The following ADAMTSL2 variants were observed in gnomAD, a reference collection of about 807,000 sequenced individuals.
ADAMTSL2 encodes ADAMTS like 2, also known as ADAMTS-like protein 2.
Under a neutral mutation model 117.0 loss-of-function variants are expected in ADAMTSL2, and 55 were observed. That is an observed-to-expected ratio of 0.47 (90% CI 0.38 to 0.59). The LOEUF (loss-of-function observed/expected upper bound fraction) is 0.59, where lower values mean the gene tolerates loss of function less well. ADAMTSL2 is among the 20% of genes least tolerant of loss of function. The pLI is 0.00. For missense variants in ADAMTSL2, 1,182 were observed against 1,354.5 expected (o/e 0.87, Z 2.00); for synonymous variants, 572 against 566.4 (o/e 1.01, Z -0.14).
chr9:133,570,555 A>G, intron 17 of ADAMTSL2, 48 bp downstream of exon 17: 2 of 1,565,004 alleles, frequency 1.3e-6, no homozygotes, highest in East Asian at 2.4e-5. Context: ...CCAGACCTGA[A>G]TGTCGATCCC....
At position 133,555,908 on chromosome 9, in the gene ADAMTSL2, GGGAACA is replaced by G; in HGVS notation, c.1631_1636del (p.Asn544_Arg545del). 1 of 1,612,414 alleles carries G rather than the reference GGGAACA, an allele frequency of 6.2e-7. No individual in the cohort carries two copies. Among genetic ancestry groups the G allele is most frequent in the Non-Finnish European group, 8.5e-7 (1 of 1,179,892 alleles). ...TAGCACCAGCCTGCTCACCTCGGCC[GGGAACA>G]GGACTCACAAGGCCAGGTAGGAGGC... On this transcript the variant is annotated inframe_deletion, in exon 11 of 19. Transcript: ENST00000651351.
intron 9 of ADAMTSL2, among the ~76,000 whole-genome samples, chr9:133,550,045 C>T (rs1830446936): frequency 6.6e-6 from 1 of 152,218 alleles, no homozygotes; most frequent in Non-Finnish European, 1.5e-5. Flanking sequence ...AGCAAGGGAC[C>T]CAAGCTCCCC....
intron 7 of ADAMTSL2, among the ~76,000 whole-genome samples, chr9:133,541,446 G>A (rs1830222081): frequency 6.6e-6 from 1 of 152,068 alleles, no homozygotes; most frequent in Admixed American, 6.6e-5. Context: ...GTGCCACCAA[G>A]CCTGGCTAAT....
At chr9:133,537,577 G>GATGGCATGAGGGC in intron 3 of ADAMTSL2, 30 bp downstream of exon 3, 1 of 1,335,960 alleles carries the variant, frequency 7.5e-7, no homozygotes, top group Non-Finnish European at 9.7e-7. Context: ...GCCCTGAGGG[G>GATGGCATGAGGGC]ATGGCATGAG....
intron 17 of ADAMTSL2, among the ~76,000 whole-genome samples, chr9:133,571,883 G>A (rs1050949751): frequency 6.6e-5 from 10 of 152,280 alleles, no homozygotes; most frequent in Non-Finnish European, 1.0e-4. Context: ...ATACCCAGGC[G>A]ACAAAATGGG....
intron 6 of ADAMTSL2, 45 bp from the exon 7 acceptor site, chr9:133,540,833 G>T: frequency 6.2e-7 from 1 of 1,613,142 alleles, no homozygotes; most frequent in Non-Finnish European, 8.5e-7. Context: ...CCGGGGCCTG[G>T]CCACAGCGCC....
At chr9:133,552,797 G>A (rs916160681) in intron 9 of ADAMTSL2, among the ~76,000 whole-genome samples, 3 of 152,164 alleles carry the variant, frequency 2.0e-5, no homozygotes, top group Admixed American at 2.0e-4. Flanking sequence ...TTAAATGCGG[G>A]ATGTGATGGG....
In ADAMTSL2 at chr9:133,534,935, C is replaced by T. The variant is rs1830015500; in HGVS notation, c.-151+18C>T. 4 of 1,379,076 alleles carry T rather than the reference C, an allele frequency of 2.9e-6. No homozygotes were observed. Among genetic ancestry groups the T allele is most frequent in the South Asian group, 3.2e-5 (2 of 62,050 alleles). The allele number at this position is 1,379,076 out of a possible 1,614,324, so 85.4% of individuals were successfully genotyped here. ...GAAGCCAGGTAGGCCACCTCGTCCC[C>T]GTCCCCCTCACGTTGCAGCGTCCAC... On this transcript the variant is annotated intron_variant, in intron 1 of 18. Transcript: ENST00000651351.
At chr9:133,538,772 C>T (rs1830117360) in intron 4 of ADAMTSL2, among the ~76,000 whole-genome samples, 1 of 152,190 alleles carries the variant, frequency 6.6e-6, no homozygotes. Context: ...AGAGACCCAG[C>T]AGTTGCCAGG....
In ADAMTSL2 at chr9:133,537,386, G is replaced by C; in HGVS notation, c.91-19G>C. 1 of 1,334,152 alleles carries C rather than the reference G, an allele frequency of 7.5e-7. No homozygotes were observed. The highest frequency in any genetic ancestry group is 9.7e-7 in the Non-Finnish European group (1 of 1,033,618). 82.6% of individuals were successfully genotyped at this position (1,334,152 alleles called of 1,614,324 possible). ...TGGGCACTTGAGCCCTCTACCATCT[G>C]GGGGTCCCTCTCACCCAGGACAACA... On this transcript the variant is annotated intron_variant, in intron 2 of 18. Transcript: ENST00000651351.
intron 7 of ADAMTSL2, among the ~76,000 whole-genome samples, chr9:133,543,357 G>A (rs528795423): frequency 4.6e-5 from 7 of 152,322 alleles, no homozygotes; most frequent in Admixed American, 2.0e-4. Context: ...CTTCTATCTT[G>A]AAACCCAAAG....
At chr9:133,534,425 T>G, upstream of ADAMTSL2, 1 of 279,438 alleles carries the variant, frequency 3.6e-6, no homozygotes, top group East Asian at 6.3e-5. Context: ...GCCTCCCCGG[T>G]AACCTCAGGC....
chr9:133,568,517 G>A (rs1035323485), intron 14 of ADAMTSL2, 31 bp downstream of exon 14: 6 of 1,578,540 alleles, frequency 3.8e-6, no homozygotes, highest in African/African-American at 2.7e-5. Context: ...GCCGGGGGTC[G>A]GGAAGAGCTG....
At chr9:133,536,490 G>A in intron 1 of ADAMTSL2, 73 bp from the exon 2 acceptor site, 2 of 1,485,992 alleles carry the variant, frequency 1.3e-6, no homozygotes, top group Middle Eastern at 1.8e-4. Flanking sequence ...CCTGAAGCAG[G>A]CATTACTAAT....
intron 9 of ADAMTSL2, among the ~76,000 whole-genome samples, chr9:133,552,433 A>G (rs995916012): frequency 6.6e-6 from 1 of 152,196 alleles, no homozygotes; most frequent in Non-Finnish European, 1.5e-5. Context: ...AGTGCAGAGG[A>G]CAAAGGTCAA....
In ADAMTSL2 at chr9:133,558,634, G is replaced by A. The variant is rs932110848; in HGVS notation, c.1650-2564G>A. On this transcript the variant is annotated intron_variant, in intron 11 of 18. Transcript: ENST00000651351. This position sits in a 1 kb window ranked among gnomAD's most constrained non-coding sequence, Gnocchi z 4.3. ...GGAGCCCGTGAGCCTGTGTCTGGCC[G>A]GGCATCTGGGCGAAGGACCCTGAGG... is the stretch of plus-strand genomic sequence containing the variant. Among the ~76,000 whole-genome samples the A allele has an allele frequency of 1.4e-4, 21 of 152,310 alleles. No homozygotes were observed. Among genetic ancestry groups the A allele is most frequent in the African/African-American group, 4.8e-4 (20 of 41,578 alleles).
At chr9:133,545,403 G>T (rs10119879) in intron 8 of ADAMTSL2, among the ~76,000 whole-genome samples, 1 of 152,018 alleles carries the variant, frequency 6.6e-6, no homozygotes, top group Non-Finnish European at 1.5e-5. Context: ...ATCTCCTAAG[G>T]GGGTGCTGGA....
Position 133,568,341 on chromosome 9 carries a change from G to C in ADAMTSL2, c.1943G>C (p.Arg648Pro). Reference protein sequence around the residue: ...CGEGYQFRVVRCWKMLSPGFD... With the variant: ...CGEGYQFRVVPCWKMLSPGFD... ...GAGGGCTACCAGTTCCGCGTCGTGC[G>C]CTGCTGGAAGATGCTCTCGCCCGGC... Residue 648 changes from arginine to proline, a missense_variant, in exon 14 of 19, where the codon CGC becomes CCC. Around this residue, in one of 3 missense-constraint regions of ADAMTSL2, gnomAD observed 465 missense variants for 565.3 expected, o/e 0.82. Coordinates refer to ENST00000651351, the MANE Select transcript of ADAMTSL2 (RefSeq NM_014694.4). 6.3e-6 allele frequency: 10 copies of C among 1,589,636 alleles called. No homozygotes were observed. The highest frequency in any genetic ancestry group is 7.7e-6 in the Non-Finnish European group (9 of 1,168,850).
rs1170756141 is a variant in ADAMTSL2, at chr9:133,555,904, G to A, written c.1623G>A (p.Ser541=). The change falls in exon 11 of 19, where the codon TCG becomes TCA. Residue 541 remains serine (S), a synonymous_variant. Coordinates refer to ENST00000651351, the MANE Select transcript of ADAMTSL2 (RefSeq NM_014694.4). ...FPNVSTSLLT[S]AGNRTHKART... ...ACGTTAGCACCAGCCTGCTCACCTC[G>A]GCCGGGAACAGGACTCACAAGGCCA... is the stretch of plus-strand genomic sequence containing the variant. 2.5e-6 allele frequency: 4 copies of A among 1,612,592 alleles called. No individual in the cohort carries two copies. Among genetic ancestry groups the A allele is most frequent in the East Asian group, 2.2e-5 (1 of 44,882 alleles).
Sources: gnomAD v4.1 joint callset for allele counts (sites outside exome capture counted in the v4.1 genomes callset) on GRCh38, gnomAD v4.1.1 for gene constraint, gnomAD v4.1.1 regional missense constraint, Gnocchi (gnomAD v3.1) non-coding constraint, MANE v1.5 for transcripts, NCBI Gene and HGNC (gene_info 2026-07-23, HGNC 2026-07-21) for gene names.